MEIKIN: variants seen among roughly 807,000 people sequenced by gnomAD.
MEIKIN encodes the protein meiotic kinetochore factor, also known as meiosis-specific kinetochore protein.
intron 8 of MEIKIN, among the ~76,000 whole-genome samples, chr5:131,879,662 T>C (rs1406858945): frequency 6.6e-6 from 1 of 152,216 alleles, no homozygotes; most frequent in African/African-American, 2.4e-5. Context: ...TTATTTCCTC[T>C]CCTCCTATTT....
At chr5:131,924,393 T>G (rs750158654) in intron 5 of MEIKIN, among the ~76,000 whole-genome samples, 14 of 152,278 alleles carry the variant, frequency 9.2e-5, no homozygotes, top group Non-Finnish European at 2.1e-4. Flanking sequence ...TAGAGACACC[T>G]CCATACTGTT....
chr5:131,891,640 G>T (rs1750920678), intron 8 of MEIKIN, among the ~76,000 whole-genome samples: 1 of 152,190 alleles, frequency 6.6e-6, no homozygotes, highest in South Asian at 2.1e-4. Flanking sequence ...CCTGAATACA[G>T]CACACTGATG....
At chr5:131,878,347 C>T (rs1290991940) in intron 9 of MEIKIN, among the ~76,000 whole-genome samples, 1 of 152,144 alleles carries the variant, frequency 6.6e-6, no homozygotes, top group Admixed American at 6.5e-5. Context: ...GCGGGCGGAT[C>T]ACGAGGTCAG....
intron 7 of MEIKIN, among the ~76,000 whole-genome samples, chr5:131,916,140 C>T (rs1751412934): frequency 6.6e-6 from 1 of 152,094 alleles, no homozygotes. Flanking sequence ...ATCCAAATAC[C>T]ATTCTATCCT....
chr5:131,860,414 C>A (rs1750263970), intron 9 of MEIKIN, among the ~76,000 whole-genome samples: 1 of 150,600 alleles, frequency 6.6e-6, no homozygotes, highest in Non-Finnish European at 1.5e-5. Context: ...TGCGGCTTCA[C>A]TGAATTTGGT....
At chr5:131,940,096 T>C (rs1427336804) in intron 4 of MEIKIN, among the ~76,000 whole-genome samples, 1 of 152,196 alleles carries the variant, frequency 6.6e-6, no homozygotes, top group Non-Finnish European at 1.5e-5. Flanking sequence ...AATTACACTG[T>C]GGTTTTAAGT....
intron 11 of MEIKIN, among the ~76,000 whole-genome samples, chr5:131,843,432 C>CA (rs1238504321): frequency 6.6e-6 from 1 of 152,146 alleles, no homozygotes; most frequent in Non-Finnish European, 1.5e-5. Context: ...ATGTAAGTTC[C>CA]AATTCAGACC....
intron 8 of MEIKIN, among the ~76,000 whole-genome samples, chr5:131,890,506 A>G (rs1291611009): frequency 6.6e-6 from 1 of 152,160 alleles, no homozygotes; most frequent in Non-Finnish European, 1.5e-5. Flanking sequence ...ATTTGCATAG[A>G]GGTGTTTACA....
intron 11 of MEIKIN, among the ~76,000 whole-genome samples, chr5:131,841,602 G>C (rs1276018729): frequency 6.6e-6 from 1 of 152,112 alleles, no homozygotes; most frequent in Non-Finnish European, 1.5e-5. Flanking sequence ...ATGAATTTTA[G>C]GATTGTTTTT....
At chr5:131,886,149 C>G (rs1750790660) in intron 8 of MEIKIN, among the ~76,000 whole-genome samples, 2 of 151,976 alleles carry the variant, frequency 1.3e-5, no homozygotes, top group Non-Finnish European at 2.9e-5. Context: ...AACAACGAAG[C>G]ATGTTTACAA....
rs189498354 is a variant in MEIKIN, at chr5:131,880,461, C to G, written c.704-1413G>C. ...CTCACCATGTTGGCCAGGCTGGTCT[C>G]AAACTCCTGACCTCAAGTGATCCGC... On this transcript the variant is annotated intron_variant, in intron 8 of 12. Transcript: ENST00000442687. 3.6e-3 allele frequency among the ~76,000 whole-genome samples: 552 copies of G among 151,316 alleles called. 3 individuals carry two copies. Among genetic ancestry groups the G allele is most frequent in the African/African-American group, 0.013 (523 of 41,168 alleles).
intron 8 of MEIKIN, among the ~76,000 whole-genome samples, chr5:131,897,972 G>A (rs1751083144): frequency 2.0e-5 from 3 of 152,168 alleles, no homozygotes; most frequent in Non-Finnish European, 4.4e-5. Flanking sequence ...TCCTTTGGAG[G>A]AGAAGAGGTG....
intron 9 of MEIKIN, among the ~76,000 whole-genome samples, chr5:131,871,100 T>A (rs1385031822): frequency 1.3e-5 from 2 of 152,226 alleles, no homozygotes; most frequent in Non-Finnish European, 2.9e-5. Flanking sequence ...GATTTCTGCA[T>A]TTCCAACTGA....
intron 8 of MEIKIN, among the ~76,000 whole-genome samples, chr5:131,911,368 A>T (rs181193143): frequency 2.3e-4 from 35 of 152,204 alleles, no homozygotes; most frequent in African/African-American, 7.5e-4. Flanking sequence ...GCAGAGGTTA[A>T]TAAGGATGTA....
At chr5:131,933,093 T>C (rs1374650694) in intron 5 of MEIKIN, among the ~76,000 whole-genome samples, 1 of 152,236 alleles carries the variant, frequency 6.6e-6, no homozygotes, top group Non-Finnish European at 1.5e-5. Flanking sequence ...AAGGTTATAT[T>C]TATATGTATA....
intron 6 of MEIKIN, among the ~76,000 whole-genome samples, chr5:131,919,297 T>C (rs528326422): frequency 7.7e-4 from 117 of 152,268 alleles, no homozygotes; most frequent in African/African-American, 2.6e-3. Flanking sequence ...ACTGTTATAA[T>C]CCTTCTGGAG....
intron 8 of MEIKIN, among the ~76,000 whole-genome samples, chr5:131,883,650 C>T (rs2149630165): frequency 6.6e-6 from 1 of 152,214 alleles, no homozygotes; most frequent in East Asian, 1.9e-4. Flanking sequence ...CCTGCAAGGA[C>T]ACCAATTTAA....
chr5:131,871,697 C>T (rs1580882358), intron 9 of MEIKIN, among the ~76,000 whole-genome samples: 1 of 152,234 alleles, frequency 6.6e-6, no homozygotes, highest in Admixed American at 6.5e-5. Context: ...GGTAGACTGC[C>T]TCCTCAAGTG....
chr5:131,887,109 G>T (rs1313473032), intron 8 of MEIKIN, among the ~76,000 whole-genome samples: 2 of 151,842 alleles, frequency 1.3e-5, no homozygotes, highest in African/African-American at 2.4e-5. Flanking sequence ...GTGATGGTTT[G>T]CTGAGAATGA....
Sources: allele counts gnomAD v4.1 joint callset (sites outside exome capture counted in the v4.1 genomes callset), GRCh38; gene constraint gnomAD v4.1.1; transcripts MANE v1.5; gene names NCBI Gene and HGNC (gene_info 2026-07-23, HGNC 2026-07-21).